The following LHX5 variants were observed in gnomAD, a reference collection of about 807,000 sequenced individuals.
The protein encoded by LHX5 is LIM homeobox 5.
A neutral mutation model predicts 30.6 loss-of-function variants in LHX5; 5 were observed. That is an observed-to-expected ratio of 0.16 (90% CI 0.09 to 0.34). The LOEUF (loss-of-function observed/expected upper bound fraction) is 0.34, where lower values mean the gene tolerates loss of function less well. Among genes scored for constraint, LHX5 ranks in the 10% least tolerant of loss-of-function variants. The pLI, the probability that LHX5 is intolerant of heterozygous loss-of-function variation, is 1.00. For synonymous variants in LHX5, 266 were observed against 252.6 expected, an observed-to-expected ratio of 1.05 and a Z score of -0.50; for missense variants, 458 against 570.6, an observed-to-expected ratio of 0.80 and a Z score of 2.01.
chr12:113,467,246 C>T lies in LHX5; in HGVS notation c.841+10G>A. 1 of 1,437,418 alleles carries T rather than the reference C, an allele frequency of 7.0e-7. No homozygotes were observed. Among genetic ancestry groups the T allele is most frequent in the Non-Finnish European group, 9.2e-7 (1 of 1,083,338 alleles). The allele number at this position is 1,437,418 out of a possible 1,614,324, so 89.0% of individuals were successfully genotyped here. A position where few individuals can be genotyped will look rare whatever the true frequency, so the allele number is the denominator to read the frequency against. On this transcript the variant is annotated intron_variant, in intron 4 of 4. Coordinates refer to ENST00000261731, the MANE Select transcript of LHX5 (RefSeq NM_022363.3). The surrounding 1 kb of genome is among the most constrained non-coding windows in gnomAD (Gnocchi z 6.3). The stretch of plus-strand genomic sequence containing the variant: ...AGGTGCGGAACAGCGAATCCCGGGG[C>T]GCCCCTTACCTCCGTAGTAGGTGTA...
In LHX5 at chr12:113,463,180, C is replaced by G; in HGVS notation, c.*10G>C. 1 of 1,497,422 alleles carries G rather than the reference C, an allele frequency of 6.7e-7. No individual in the cohort carries two copies. Among genetic ancestry groups the G allele is most frequent in the South Asian group, 1.2e-5 (1 of 80,380 alleles). The allele number at this position is 1,497,422 out of a possible 1,614,324, so 92.8% of individuals were successfully genotyped here. Reference sequence around the variant, plus strand: ...CCCGGGGGCCGAGCGCGGGGGGCGGCCCGGCGGCCTTACCACACGGCGGCT... The same window carrying G: ...CCCGGGGGCCGAGCGCGGGGGGCGGGCCGGCGGCCTTACCACACGGCGGCT... On this transcript the variant is annotated 3_prime_UTR_variant, in exon 5 of 5. Coordinates refer to ENST00000261731, the MANE Select transcript of LHX5 (RefSeq NM_022363.3). This position sits in a 1 kb window ranked among gnomAD's most constrained non-coding sequence, Gnocchi z 6.7.
intron 2 of LHX5, 22 bp from the exon 3 acceptor site, chr12:113,468,426 A>G (rs1487184329): frequency 6.3e-7 from 1 of 1,595,582 alleles, no homozygotes. Context: ...CGGATCGGGA[A>G]GGGGACAGCG....
rs1163819557 is a variant in LHX5 at position 113,463,999 on chromosome 12, C to G, written c.842-442G>C. On this transcript the variant is annotated intron_variant, in intron 4 of 4. Transcript: ENST00000261731. This position sits in a 1 kb window ranked among gnomAD's most constrained non-coding sequence, Gnocchi z 6.7. ...GAGATGCGGGACAGCGAGAGACAGA[C>G]GGAGAGATCGGCAGAGGGGCAGAGA... Among the ~76,000 whole-genome samples, 1 of 152,066 alleles carries G rather than the reference C, an allele frequency of 6.6e-6. No homozygotes were observed. Among genetic ancestry groups the G allele is most frequent in the Non-Finnish European group, 1.5e-5 (1 of 68,030 alleles).
Position 113,467,271 on chromosome 12 carries a change from A to G in LHX5, c.826T>C (p.Tyr276His). 1 of 1,497,546 alleles carries G rather than the reference A, an allele frequency of 6.7e-7. No homozygotes were observed. The highest frequency in any genetic ancestry group is 2.5e-5 in the East Asian group (1 of 39,244). The allele number at this position is 1,497,546 out of a possible 1,614,324, so 92.8% of individuals were successfully genotyped here. ...DESEMLGSTP[Y>H]TYYGDYQGDY... ...CGCCCCTTACCTCCGTAGTAGGTGT[A>G]CGGGGTGGACCCCAACATCTCAGAC... The change falls in exon 4 of 5, where the codon TAC (tyrosine) becomes CAC (histidine). Residue 276 changes from tyrosine (Y) to histidine (H), a missense_variant. Tyr to His is a moderately conservative substitution (Grantham distance 83). Transcript: ENST00000261731. This position sits in a 1 kb window ranked among gnomAD's most constrained non-coding sequence, Gnocchi z 6.3.
At chr12:113,470,327 C>G (rs2136979959) in intron 1 of LHX5, among the ~76,000 whole-genome samples, 1 of 152,338 alleles carries the variant, frequency 6.6e-6, no homozygotes, top group African/African-American at 2.4e-5. Context: ...CCATAAGTCA[C>G]TTTTGGCCTT....
intron 1 of LHX5, among the ~76,000 whole-genome samples, chr12:113,471,105 C>G (rs931753641): frequency 6.6e-6 from 1 of 152,248 alleles, no homozygotes; most frequent in Non-Finnish European, 1.5e-5. Context: ...GAGCCGGCCT[C>G]GAGCCAACGT....
rs11609339 is a variant in LHX5 at position 113,471,810 on chromosome 12, C to G, written c.-312G>C. ...CTCGGCGCTGCGGAGCGGCTTTCCC[C>G]GGTGGCGGAGGCGCCGGCACTTTCC... is the stretch of plus-strand genomic sequence containing the variant. On this transcript the variant is annotated 5_prime_UTR_variant, in exon 1 of 5. Coordinates refer to ENST00000261731, the MANE Select transcript of LHX5 (RefSeq NM_022363.3). The G allele has an allele frequency of 2.8e-6, 1 of 360,844 alleles. No homozygotes were observed. Among genetic ancestry groups the G allele is most frequent in the Non-Finnish European group, 5.0e-6 (1 of 201,386 alleles). The allele number at this position is 360,844 out of a possible 1,614,324, so 22.4% of individuals were successfully genotyped here.
Position 113,469,056 on chromosome 12 carries a change from G to A in LHX5, c.397+66C>T, listed in dbSNP as rs1958230809. 4.0e-6 allele frequency: 5 copies of A among 1,248,128 alleles called. No individual in the cohort carries two copies. In the African/African-American group the frequency reaches 7.4e-5, roughly 19 times the overall value. The allele number at this position is 1,248,128 out of a possible 1,614,324, so 77.3% of individuals were successfully genotyped here. On this transcript the variant is annotated intron_variant, in intron 2 of 4. Coordinates refer to ENST00000261731, the MANE Select transcript of LHX5 (RefSeq NM_022363.3). The stretch of plus-strand genomic sequence containing the variant: ...CAGCACACCGGGGGCCAAGTAGGGA[G>A]TGCCAGGCTGGGCACGGTGGGAGGG...
rs1191350274 is a variant in LHX5 at position 113,462,924 on chromosome 12, ACTTTGGT to A, written c.*259_*265del. 2.6e-6 allele frequency: 1 copy of A among 391,798 alleles called. No homozygotes were observed. Among genetic ancestry groups the A allele is most frequent in the Non-Finnish European group, 4.6e-6 (1 of 218,188 alleles). The allele number at this position is 391,798 out of a possible 1,614,324, so 24.3% of individuals were successfully genotyped here. A position where few individuals can be genotyped will look rare whatever the true frequency, so the allele number is the denominator to read the frequency against. On this transcript the variant is annotated 3_prime_UTR_variant, in exon 5 of 5. Coordinates refer to ENST00000261731, the MANE Select transcript of LHX5 (RefSeq NM_022363.3). ...AATCTCTTGACCCTCCGGAGTATTGACTTTGGTCCCAAGAAATTGCTCGCGGTTGCTG... is the reference window on the plus strand; with the variant it reads ...AATCTCTTGACCCTCCGGAGTATTGACCCAAGAAATTGCTCGCGGTTGCTG...
In LHX5 at chr12:113,467,870, AG is replaced by A. The variant is rs1958224640; in HGVS notation, c.675+256del. The stretch of plus-strand genomic sequence containing the variant: ...CCAGAGAGGCTTACAACCTTCCATA[AG>A]CAAGGCGGGGGGCGGAATTCAGAGA... On this transcript the variant is annotated intron_variant, in intron 3 of 4. Transcript: ENST00000261731. The surrounding 1 kb of genome is among the most constrained non-coding windows in gnomAD (Gnocchi z 6.3). 1.3e-5 allele frequency among the ~76,000 whole-genome samples: 2 copies of A among 152,242 alleles called. No homozygotes were observed. Among genetic ancestry groups the A allele is most frequent in the African/African-American group, 4.8e-5 (2 of 41,470 alleles).
Position 113,463,705 on chromosome 12 carries a change from C to T in LHX5, c.842-148G>A. The T allele has an allele frequency of 2.5e-6, 2 of 804,588 alleles. No individual in the cohort carries two copies. The highest frequency in any genetic ancestry group is 3.7e-5 in the South Asian group (2 of 53,728). The allele number at this position is 804,588 out of a possible 1,614,324, so 49.8% of individuals were successfully genotyped here. ...GGTTAGAGAGACCTGCGGAGGCCGG[C>T]GCCCCTTGAGACGGTGGACGTCGCA... On this transcript the variant is annotated intron_variant, in intron 4 of 4. Transcript: ENST00000261731. This position sits in a 1 kb window ranked among gnomAD's most constrained non-coding sequence, Gnocchi z 6.7.
chr12:113,463,344 C>G lies in LHX5; in HGVS notation c.1055G>C (p.Ser352Thr). 6.5e-7 allele frequency: 1 copy of G among 1,545,160 alleles called. No homozygotes were observed. Among genetic ancestry groups the G allele is most frequent in the Non-Finnish European group, 8.7e-7 (1 of 1,146,096 alleles). Reference protein sequence around the residue: ...TDMISHPDTPSPEPGLPGTLH... With the variant: ...TDMISHPDTPTPEPGLPGTLH... ...CGTGCCCGGCAGGCCTGGCTCGGGG[C>G]TCGGTGTGTCCGGGTGCGAGATCAT... The change falls in exon 5 of 5, where the codon AGC becomes ACC. Residue 352 changes from serine to threonine, a missense_variant. By Grantham distance (58) the Ser-to-Thr change is moderately conservative (BLOSUM62 1). Around this residue, in one of 3 missense-constraint regions of LHX5, gnomAD observed 255 missense variants for 246.8 expected, o/e 1.03. Coordinates refer to ENST00000261731, the MANE Select transcript of LHX5 (RefSeq NM_022363.3). The surrounding 1 kb of genome is among the most constrained non-coding windows in gnomAD (Gnocchi z 6.7).
At chr12:113,468,517 CA>C (rs1958228386) in intron 2 of LHX5, 113 bp from the exon 3 acceptor site, 1 of 1,320,340 alleles carries the variant, frequency 7.6e-7, no homozygotes, top group African/African-American at 1.5e-5. Context: ...AGGCTACGGC[CA>C]GCCCCGCTGG....
Position 113,469,310 on chromosome 12 carries a change from C to T in LHX5, c.209G>A (p.Gly70Asp). The change falls in exon 2 of 5, where the codon GGC (glycine) becomes GAC (aspartate). Residue 70 changes from glycine to aspartate, a missense_variant. Physicochemically the swap from Gly to Asp is moderately conservative, Grantham distance 94. Coordinates refer to ENST00000261731, the MANE Select transcript of LHX5 (RefSeq NM_022363.3). ...GCGCACCAGGTCGCTGGGCGAGATG[C>T]CTTGCGCGCAGCCGGCGCATTTCGT... ...FGTKCAGCAQ[G>D]ISPSDLVRKA... 6.2e-7 allele frequency: 1 copy of T among 1,613,902 alleles called. No individual in the cohort carries two copies. The highest frequency in any genetic ancestry group is 8.5e-7 in the Non-Finnish European group (1 of 1,180,030).
chr12:113,471,238 A>G, intron 1 of LHX5, 88 bp downstream of exon 1: 1 of 1,361,460 alleles, frequency 7.3e-7, no homozygotes, highest in South Asian at 1.3e-5. Flanking sequence ...GGAGGCTGGG[A>G]TGGGGATGGG....
intron 1 of LHX5, 54 bp downstream of exon 1, chr12:113,471,272 A>G (rs3803075): frequency 0.022 from 35,663 of 1,590,248 alleles, 561 homozygotes; most frequent in South Asian, 0.051. Flanking sequence ...CCAGCGCCCC[A>G]GTGGAGCGCG....
Position 113,462,546 on chromosome 12 carries a change from C to G in LHX5, c.*644G>C, listed in dbSNP as rs1958179987. 1 of 151,872 alleles carries G rather than the reference C, an allele frequency of 6.6e-6. No individual in the cohort carries two copies. Among genetic ancestry groups the G allele is most frequent in the African/African-American group, 2.4e-5 (1 of 41,344 alleles). The allele number at this position is 151,872 out of a possible 1,614,324, so 9.4% of individuals were successfully genotyped here. A position where few individuals can be genotyped will look rare whatever the true frequency, so the allele number is the denominator to read the frequency against. ...TGACCTTGAGCCTCAAGATTGGCCA[C>G]CAGGGAGCGCCAGCGTGCAGGTGGC... On this transcript the variant is annotated 3_prime_UTR_variant, in exon 5 of 5. Coordinates refer to ENST00000261731, the MANE Select transcript of LHX5 (RefSeq NM_022363.3).
At position 113,466,787 on chromosome 12, in the gene LHX5, C is replaced by A. The variant is rs1349785377; in HGVS notation, c.841+469G>T. ...TCCACCTCATGCCAAGTACACCAGG[C>A]ACAGGGCGGCAGGAAGGCTGTGCGT... is the stretch of plus-strand genomic sequence containing the variant. On this transcript the variant is annotated intron_variant, in intron 4 of 4. Transcript: ENST00000261731. The surrounding 1 kb of genome is among the most constrained non-coding windows in gnomAD (Gnocchi z 6.5). 2.0e-5 allele frequency among the ~76,000 whole-genome samples: 3 copies of A among 152,168 alleles called. No individual in the cohort carries two copies. The highest frequency in any genetic ancestry group is 4.4e-5 in the Non-Finnish European group (3 of 68,032).
chr12:113,471,450 G>C lies in LHX5; in HGVS notation c.49C>G (p.Leu17Val). The change falls in exon 1 of 5, where the codon CTG becomes GTG. Residue 17 changes from leucine to valine, a missense_variant. This residue lies in a region of LHX5 where 178 missense variants were observed against 238.5 expected (regional missense o/e 0.75). Transcript: ENST00000261731. ...GCERPILDRF[L>V]LNVLDRAWHI... ...CACGCGCGGTCCAGCACGTTCAGCA[G>C]AAAGCGGTCGAGGATGGGCCGCTCG... 1 of 1,612,082 alleles carries C rather than the reference G, an allele frequency of 6.2e-7. No individual in the cohort carries two copies.
Sources: gnomAD v4.1 joint callset for allele counts (sites outside exome capture counted in the v4.1 genomes callset) on GRCh38, gnomAD v4.1.1 for gene constraint, gnomAD v4.1.1 regional missense constraint, Gnocchi (gnomAD v3.1) non-coding constraint, MANE v1.5 for transcripts, NCBI Gene and HGNC (gene_info 2026-07-23, HGNC 2026-07-21) for gene names.